Variants in MYH8 observed in about 807,000 individuals in gnomAD.
The protein encoded by MYH8 is myosin-8.
A neutral mutation model predicts 233.2 loss-of-function variants in MYH8; 168 were observed. That is an observed-to-expected ratio of 0.72 (90% CI 0.64 to 0.82). The LOEUF is 0.82. Among genes scored for constraint, MYH8 ranks in the 40% least tolerant of loss-of-function variants. The pLI is 0.00. For missense variants in MYH8, 1,995 were observed against 2,327.8 expected (o/e 0.86, Z 2.94); for synonymous variants, 785 against 850.6 (o/e 0.92, Z 1.34).
At chr17:10,411,097 C>G in intron 14 of MYH8, 150 bp from the exon 15 acceptor site, 1 of 1,419,888 alleles carries the variant, frequency 7.0e-7, no homozygotes, top group South Asian at 1.3e-5. Flanking sequence ...TGATCATTGG[C>G]CGGGCACGGT....
At chr17:10,397,237 C>T (rs1257620058) in intron 30 of MYH8, among the ~76,000 whole-genome samples, 4 of 152,078 alleles carry the variant, frequency 2.6e-5, no homozygotes, top group Non-Finnish European at 1.5e-5. Context: ...CCACCATGCC[C>T]AGCTAATTTT....
chr17:10,411,547 T>C (rs2072245026), intron 14 of MYH8, among the ~76,000 whole-genome samples: 1 of 152,182 alleles, frequency 6.6e-6, no homozygotes, highest in Admixed American at 6.5e-5. Flanking sequence ...TGGTCCTGTG[T>C]TATGGTTTCG....
Position 10,404,419 on chromosome 17 carries a change from C to T in MYH8, c.2599G>A (p.Ala867Thr), listed in dbSNP as rs774805115. The T allele has an allele frequency of 9.9e-6, 16 of 1,613,604 alleles. No individual in the cohort carries two copies. The highest frequency in any genetic ancestry group is 3.3e-5 in the Admixed American group (2 of 59,946). ...EEFQKTKDEL[A>T]KSEAKRKELE... ...TCCTTCCGTTTTGCCTCTGACTTGGCGAGTTCATCTTTGGTTTTCTGGAAT... is the reference window on the plus strand; with the variant it reads ...TCCTTCCGTTTTGCCTCTGACTTGGTGAGTTCATCTTTGGTTTTCTGGAAT... The change falls in exon 22 of 40, where the codon GCC becomes ACC. Residue 867 changes from alanine to threonine, a missense_variant. Transcript: ENST00000403437.
Position 10,415,397 on chromosome 17 carries a change from G to A in MYH8, c.649-13C>T. On this transcript the variant is annotated splice_polypyrimidine_tract_variant and intron_variant, in intron 7 of 39. Transcript: ENST00000403437. The surrounding 1 kb of genome is among the most constrained non-coding windows in gnomAD (Gnocchi z 4.1). ...CTTCCAGAGTCCCCTGCAAAGGAAG[G>A]AGCAGTTCTCACATCTGGGACTCCA... The A allele has an allele frequency of 1.9e-6, 3 of 1,614,016 alleles. No homozygotes were observed. The highest frequency in any genetic ancestry group is 1.7e-5 in the Admixed American group (1 of 60,028).
In MYH8 at chr17:10,400,919, C is replaced by T; in HGVS notation, c.3295G>A (p.Asp1099Asn). Residue 1099 changes from aspartate to asparagine, a missense_variant, in exon 26 of 40, where the codon GAT becomes AAT. Physicochemically the swap from Asp to Asn is conservative, Grantham distance 23. This residue lies in a region of MYH8 where 1,498 missense variants were observed against 1,680.9 expected (regional missense o/e 0.89). Coordinates refer to ENST00000403437, the MANE Select transcript of MYH8 (RefSeq NM_002472.3). This position sits in a 1 kb window ranked among gnomAD's most constrained non-coding sequence, Gnocchi z 4.0. ...EISNLISKIEDEQAVEIQLQK... is the reference protein window; with the variant it reads ...EISNLISKIENEQAVEIQLQK... ...AGTTGAATTTCTACAGCTTGCTCAT[C>T]TTCAATTTTGCTTATCAAATTGCTG... 6.2e-7 allele frequency: 1 copy of T among 1,613,826 alleles called. No individual in the cohort carries two copies. The highest frequency in any genetic ancestry group is 8.5e-7 in the Non-Finnish European group (1 of 1,180,032).
chr17:10,406,442 C>T (rs2072194488), intron 19 of MYH8, 45 bp from the exon 20 acceptor site: 5 of 1,612,718 alleles, frequency 3.1e-6, no homozygotes, highest in African/African-American at 1.3e-5. Flanking sequence ...AATGTGACCA[C>T]ATGCCAACAA....
intron 37 of MYH8, 35 bp downstream of exon 37, chr17:10,392,796 T>A (rs200966714): frequency 3.1e-6 from 5 of 1,614,106 alleles, no homozygotes; most frequent in Non-Finnish European, 4.2e-6. Flanking sequence ...GTGCCCTTTT[T>A]CCCTTCCCAG....
At chr17:10,410,740 T>A (rs1355643985) in intron 15 of MYH8, 37 bp downstream of exon 15, 2 of 1,613,824 alleles carry the variant, frequency 1.2e-6, no homozygotes, top group African/African-American at 2.7e-5. Context: ...TGGAAAGTGA[T>A]CCTCACAGTC....
At chr17:10,394,529 G>T (rs2072062668) in intron 34 of MYH8, 77 bp from the exon 35 acceptor site, 1 of 1,519,312 alleles carries the variant, frequency 6.6e-7, no homozygotes, top group African/African-American at 1.4e-5. Context: ...CTGGGAGATT[G>T]TACTGGTGAC....
At chr17:10,393,891 TTTTGGAGGCAACA>T (rs2142168144) in intron 35 of MYH8, among the ~76,000 whole-genome samples, 1 of 152,204 alleles carries the variant, frequency 6.6e-6, no homozygotes, top group African/African-American at 2.4e-5. Flanking sequence ...CATTTTCAGA[TTTTGGAGGCAACA>T]GGTATCTTTA....
Position 10,415,482 on chromosome 17 carries a change from C to A in MYH8, c.638G>T (p.Gly213Val). The A allele has an allele frequency of 1.2e-6, 2 of 1,614,174 alleles. No individual in the cohort carries two copies. The highest frequency in any genetic ancestry group is 1.7e-6 in the Non-Finnish European group (2 of 1,180,010). The change falls in exon 7 of 40, where the codon GGC becomes GTC. Residue 213 changes from glycine (G) to valine (V), a missense_variant. Physicochemically the swap from Gly to Val is moderately radical, Grantham distance 109. Transcript: ENST00000403437. The surrounding 1 kb of genome is among the most constrained non-coding windows in gnomAD (Gnocchi z 4.1). ...GGCTATCAGACCTACCTGCATTTTG[C>A]CAGATTCATCCTTCTTCTTCTCTCC... is the stretch of plus-strand genomic sequence containing the variant. ...VTGEKKKDES[G>V]KMQGTLEDQI...
intron 39 of MYH8, 55 bp from the exon 40 acceptor site, chr17:10,390,658 A>C (rs1244494295): frequency 1.3e-6 from 2 of 1,580,130 alleles, no homozygotes; most frequent in African/African-American, 1.3e-5. Context: ...CATTGCACTT[A>C]TCACCAGACA....
rs143876651 is a variant in MYH8 at position 10,392,646 on chromosome 17, C to T, written c.5464G>A (p.Val1822Ile). 4.8e-4 allele frequency: 773 copies of T among 1,614,138 alleles called. 1 individual carries two copies. The African/African-American group carries it at 8.9e-3, about 19-fold the overall frequency. ...TCAACCTCTCCTTCAAGCTCACGTA[C>T]CTGCAGCCAAGAAAAATACTTACGC... ...KKQIQKLEAR[V>I]RELEGEVENE... is the part of the protein sequence containing the mutation. The change falls in exon 38 of 40, where the codon GTA becomes ATA. Residue 1822 changes from valine (V) to isoleucine (I), a missense_variant and splice_region_variant. Physicochemically the swap from Val to Ile is conservative, Grantham distance 29. Around this residue, in one of 3 missense-constraint regions of MYH8, gnomAD observed 1,498 missense variants for 1,680.9 expected, o/e 0.89. Coordinates refer to ENST00000403437, the MANE Select transcript of MYH8 (RefSeq NM_002472.3).
rs766670938 is a variant in MYH8 at position 10,415,492 on chromosome 17, CCTT to C, written c.625_627del (p.Lys209del). On this transcript the variant is annotated inframe_deletion, in exon 7 of 40. Coordinates refer to ENST00000403437, the MANE Select transcript of MYH8 (RefSeq NM_002472.3). The surrounding 1 kb of genome is among the most constrained non-coding windows in gnomAD (Gnocchi z 4.1). Reference sequence around the variant, plus strand: ...CCTACCTGCATTTTGCCAGATTCATCCTTCTTCTTCTCTCCAGTAACTGCAATT... The same window carrying C: ...CCTACCTGCATTTTGCCAGATTCATCCTTCTTCTCTCCAGTAACTGCAATT... 4.9e-5 allele frequency: 79 copies of C among 1,614,086 alleles called. No individual in the cohort carries two copies. The highest frequency in any genetic ancestry group is 6.0e-5 in the Non-Finnish European group (71 of 1,180,030).
chr17:10,409,168 A>G lies in MYH8; in HGVS notation c.1898-4T>C. 6.2e-7 allele frequency: 1 copy of G among 1,614,200 alleles called. No individual in the cohort carries two copies. The highest frequency in any genetic ancestry group is 8.5e-7 in the Non-Finnish European group (1 of 1,180,024). The stretch of plus-strand genomic sequence containing the variant: ...GCACCTTTCTTCGCGCTGCTATCTG[A>G]GGTAAAAAGAAAACCCGTGAATAAG... On this transcript the variant is annotated splice_polypyrimidine_tract_variant and splice_region_variant and intron_variant, in intron 16 of 39. Transcript: ENST00000403437.
intron 2 of MYH8, 88 bp from the exon 3 acceptor site, chr17:10,420,345 A>G: frequency 1.7e-6 from 2 of 1,210,744 alleles, no homozygotes. Flanking sequence ...AATGTTGAAC[A>G]TAGCCTGTGC....
intron 34 of MYH8, 36 bp downstream of exon 34, chr17:10,395,097 C>G (rs758182191): frequency 1.2e-6 from 2 of 1,611,348 alleles, no homozygotes; most frequent in Non-Finnish European, 1.7e-6. Context: ...GGTACTTTCC[C>G]TGCTTCATCT....
rs774380619 is a variant in MYH8, at chr17:10,418,876, C to T, written c.354+11G>A. 1.2e-6 allele frequency: 2 copies of T among 1,614,062 alleles called. No individual in the cohort carries two copies. Among genetic ancestry groups the T allele is most frequent in the Non-Finnish European group, 1.7e-6 (2 of 1,179,958 alleles). On this transcript the variant is annotated intron_variant, in intron 4 of 39. Coordinates refer to ENST00000403437, the MANE Select transcript of MYH8 (RefSeq NM_002472.3). Reference sequence around the variant, plus strand: ...GAGACATGAAATAAAAAGGTGTTTACAGACACTCACGTAGATCATCCAGGC... The same window carrying T: ...GAGACATGAAATAAAAAGGTGTTTATAGACACTCACGTAGATCATCCAGGC...
chr17:10,390,923 G>T (rs1272561544), intron 39 of MYH8, among the ~76,000 whole-genome samples: 1 of 152,044 alleles, frequency 6.6e-6, no homozygotes, highest in African/African-American at 2.4e-5. Context: ...TTATAATTGG[G>T]GAAATACCAC....
Sources: gnomAD v4.1 joint callset for allele counts (sites outside exome capture counted in the v4.1 genomes callset) on GRCh38, gnomAD v4.1.1 for gene constraint, gnomAD v4.1.1 regional missense constraint, Gnocchi (gnomAD v3.1) non-coding constraint, MANE v1.5 for transcripts, NCBI Gene and HGNC (gene_info 2026-07-23, HGNC 2026-07-21) for gene names.